The following STPG4 variants were observed in gnomAD, a reference collection of about 807,000 sequenced individuals.
The protein encoded by STPG4 is protein STPG4.
In STPG4, 41 loss-of-function variants were observed where a neutral mutation model predicts 31.5. That is an observed-to-expected ratio of 1.30 (90% confidence interval 1.01 to 1.69). The LOEUF (loss-of-function observed/expected upper bound fraction) is 1.69. STPG4 is among the 40% of genes most tolerant of loss of function. The probability of loss-of-function intolerance (pLI) is 0.00; values close to 1 mark genes in which losing one functional copy is unlikely to be tolerated. For synonymous variants in STPG4, 141 were observed against 103.0 expected, an observed-to-expected ratio of 1.37 and a Z score of -2.24; for missense variants, 375 against 293.4, an observed-to-expected ratio of 1.28 and a Z score of -2.03.
intron 5 of STPG4, among the ~76,000 whole-genome samples, chr2:47,117,066 C>T (rs776258637): frequency 2.0e-4 from 31 of 152,136 alleles, no homozygotes; most frequent in Non-Finnish European, 4.0e-4. Flanking sequence ...ATGGGTGCCC[C>T]TTGCCTTAAC....
intron 3 of STPG4, among the ~76,000 whole-genome samples, chr2:47,134,419 C>T (rs1041568417): frequency 3.9e-5 from 6 of 152,186 alleles, no homozygotes; most frequent in Non-Finnish European, 8.8e-5. Context: ...CATAGTTTTG[C>T]CTTTTCCAGA....
At chr2:47,149,841 T>G (rs1686901227) in intron 3 of STPG4, among the ~76,000 whole-genome samples, 2 of 152,212 alleles carry the variant, frequency 1.3e-5, no homozygotes, top group South Asian at 4.1e-4. Context: ...TCTTATCCCT[T>G]GAACAGACCA....
rs1685547247 is a variant in STPG4 at position 47,090,388 on chromosome 2, A to T, written c.520-14T>A. ...AGGGCCTTCATGCTATTGAACATTTAAAAAATTGCTTCATTATTATTGTAC... is the reference window on the plus strand; with the variant it reads ...AGGGCCTTCATGCTATTGAACATTTTAAAAATTGCTTCATTATTATTGTAC... On this transcript the variant is annotated splice_polypyrimidine_tract_variant and intron_variant, in intron 5 of 6. Coordinates refer to ENST00000445927, the MANE Select transcript of STPG4 (RefSeq NM_001163561.2). 2.0e-6 allele frequency: 3 copies of T among 1,497,298 alleles called. No homozygotes were observed. Among genetic ancestry groups the T allele is most frequent in the Non-Finnish European group, 2.7e-6 (3 of 1,099,468 alleles). The allele number at this position is 1,497,298 out of a possible 1,614,324, so 92.8% of individuals were successfully genotyped here.
chr2:47,152,956 C>G lies in STPG4; in HGVS notation c.141+1G>C. ...TAGGAAAGACTGAACAATGTACATA[C>G]TGTTAATGCTATTCTCCACCATCCT... On this transcript the variant is annotated splice_donor_variant, in intron 2 of 6. Transcript: ENST00000445927. LOFTEE classifies it high-confidence loss of function. 6.2e-7 allele frequency: 1 copy of G among 1,603,868 alleles called. No homozygotes were observed. Among genetic ancestry groups the G allele is most frequent in the Non-Finnish European group, 8.5e-7 (1 of 1,172,970 alleles).
chr2:47,104,841 G>A (rs892065937), intron 5 of STPG4, among the ~76,000 whole-genome samples: 1 of 151,994 alleles, frequency 6.6e-6, no homozygotes, highest in Non-Finnish European at 1.5e-5. Flanking sequence ...GCCTACAGCA[G>A]GTCAAATATC....
intron 5 of STPG4, among the ~76,000 whole-genome samples, chr2:47,091,067 G>A (rs1438692840): frequency 6.8e-6 from 1 of 146,546 alleles, no homozygotes; most frequent in African/African-American, 2.5e-5. Context: ...GGGGAAGGGG[G>A]TTCTAAAAAT....
chr2:47,091,066 G>T (rs1685560279), intron 5 of STPG4, among the ~76,000 whole-genome samples: 1 of 147,720 alleles, frequency 6.8e-6, no homozygotes, highest in South Asian at 2.2e-4. Flanking sequence ...AGGGGAAGGG[G>T]GTTCTAAAAA....
At chr2:47,107,389 TGCCGGCCCCGGGCAACGAGGGGCTTA>T (rs1341603429) in intron 5 of STPG4, among the ~76,000 whole-genome samples, 3 of 152,112 alleles carry the variant, frequency 2.0e-5, no homozygotes, top group Non-Finnish European at 4.4e-5. Flanking sequence ...TGGCCGGCCC[TGCCGGCCCCGGGCAACGAGGGGCTTA>T]GCACCCGGGC....
chr2:47,122,786 T>C (rs1686297230), intron 5 of STPG4, among the ~76,000 whole-genome samples: 1 of 150,924 alleles, frequency 6.6e-6, no homozygotes, highest in Non-Finnish European at 1.5e-5. Flanking sequence ...AACAATTTTA[T>C]ATTTTATTTC....
chr2:47,117,438 A>G (rs1686175424), intron 5 of STPG4, among the ~76,000 whole-genome samples: 1 of 151,862 alleles, frequency 6.6e-6, no homozygotes, highest in Non-Finnish European at 1.5e-5. Flanking sequence ...TGAACTCCTG[A>G]CCTCAGGTGA....
intron 5 of STPG4, among the ~76,000 whole-genome samples, chr2:47,120,752 T>A (rs1160281255): frequency 2.6e-5 from 4 of 152,146 alleles, no homozygotes; most frequent in Admixed American, 6.5e-5. Context: ...ATCTTTTTTT[T>A]ATTAAGTTAT....
In STPG4 at chr2:47,094,677, A is replaced by T. The variant is rs143176450; in HGVS notation, c.520-4303T>A. 3.0e-3 allele frequency among the ~76,000 whole-genome samples: 450 copies of T among 152,270 alleles called. 3 individuals are homozygous for T. Among genetic ancestry groups the T allele is most frequent in the Admixed American group, 4.1e-3 (62 of 15,296 alleles). ...GCTGAGCTATCTGCCTGGCTTTCAG[A>T]TGCCAAACCAGGCTCTGGTGTAACA... On this transcript the variant is annotated intron_variant, in intron 5 of 6. Transcript: ENST00000445927.
At chr2:47,103,597 G>A (rs1685844236) in intron 5 of STPG4, among the ~76,000 whole-genome samples, 1 of 151,858 alleles carries the variant, frequency 6.6e-6, no homozygotes, top group East Asian at 1.9e-4. Flanking sequence ...CACCTGGTAG[G>A]GCTTGTTATC....
chr2:47,152,250 C>A (rs1424204529), intron 2 of STPG4, among the ~76,000 whole-genome samples: 1 of 152,164 alleles, frequency 6.6e-6, no homozygotes, highest in African/African-American at 2.4e-5. Flanking sequence ...AGGATAATGA[C>A]ATGACACCAG....
At chr2:47,116,918 T>C (rs1374180732) in intron 5 of STPG4, among the ~76,000 whole-genome samples, 1 of 152,174 alleles carries the variant, frequency 6.6e-6, no homozygotes, top group East Asian at 1.9e-4. Context: ...GAGAAAGATA[T>C]AAATACAAAT....
Position 47,151,511 on chromosome 2 carries a change from G to C in STPG4, c.146C>G (p.Thr49Ser). ...EGWWRIALTD[T>S]PIPGTYHLKT... ...CAAGTGGTAAGTGCCAGGTATAGGAGTATCCTGTGGAAAATTGACATCAGT... is the reference window on the plus strand; with the variant it reads ...CAAGTGGTAAGTGCCAGGTATAGGACTATCCTGTGGAAAATTGACATCAGT... Residue 49 changes from threonine to serine, a missense_variant, in exon 3 of 7, where the codon ACT becomes AGT. By Grantham distance (58) the Thr-to-Ser change is moderately conservative (BLOSUM62 1). Coordinates refer to ENST00000445927, the MANE Select transcript of STPG4 (RefSeq NM_001163561.2). 13 of 1,612,458 alleles carry C rather than the reference G, an allele frequency of 8.1e-6. No individual in the cohort carries two copies. Among genetic ancestry groups the C allele is most frequent in the Non-Finnish European group, 1.1e-5 (13 of 1,179,170 alleles).
At chr2:47,151,939 A>G (rs933935186) in intron 2 of STPG4, among the ~76,000 whole-genome samples, 20 of 130,576 alleles carry the variant, frequency 1.5e-4, no homozygotes, top group Admixed American at 8.2e-4. Context: ...TTTTTTTTGT[A>G]TTTTTAGTAG....
intron 6 of STPG4, among the ~76,000 whole-genome samples, chr2:47,089,488 C>T (rs1685524747): frequency 6.6e-6 from 1 of 152,170 alleles, no homozygotes. Flanking sequence ...TCCTTCTAGC[C>T]CCTTGACTCC....
At chr2:47,114,634 A>G (rs903055553) in intron 5 of STPG4, among the ~76,000 whole-genome samples, 1 of 152,254 alleles carries the variant, frequency 6.6e-6, no homozygotes, top group African/African-American at 2.4e-5. Context: ...AAAAGTTATA[A>G]CACAAATTAT....
Sources: allele counts gnomAD v4.1 joint callset (sites outside exome capture counted in the v4.1 genomes callset), GRCh38; gene constraint gnomAD v4.1.1; transcripts MANE v1.5; gene names NCBI Gene and HGNC (gene_info 2026-07-23, HGNC 2026-07-21).